Variants in MYT1L observed in about 807,000 individuals in gnomAD.
MYT1L encodes the protein myelin transcription factor 1 like.
MYT1L carries 12 observed loss-of-function variants against 126.7 expected under a neutral mutation model. That is an observed-to-expected ratio of 0.09 (90% confidence interval 0.06 to 0.15). MYT1L has a LOEUF of 0.15. Among genes scored for constraint, MYT1L ranks in the 10% least tolerant of loss-of-function variants. The probability of loss-of-function intolerance (pLI) is 1.00; values close to 1 mark genes in which losing one functional copy is unlikely to be tolerated. For missense variants in MYT1L, 979 were observed against 1,585.2 expected, an observed-to-expected ratio of 0.62 and a Z score of 6.49; for synonymous variants, 541 against 604.2, an observed-to-expected ratio of 0.90 and a Z score of 1.53.
intron 3 of MYT1L, among the ~76,000 whole-genome samples, chr2:2,158,618 A>AACACACACACACACACACACAC: frequency 6.9e-6 from 1 of 144,382 alleles, no homozygotes; most frequent in South Asian, 2.2e-4. Context: ...CCATGGCATA[A>AACACACACACACACACACACAC]ACACACACAC....
chr2:1,801,898 A>C lies in MYT1L; in HGVS notation c.3173-99T>G. On this transcript the variant is annotated intron_variant, in intron 22 of 24. Transcript: ENST00000647738. The surrounding 1 kb of genome is among the most constrained non-coding windows in gnomAD (Gnocchi z 4.2). ...TTTGTTCCTTTTATATTCGTAATTGAATTTGCTTGGAAAATAGACTCTTGA... is the reference window on the plus strand; with the variant it reads ...TTTGTTCCTTTTATATTCGTAATTGCATTTGCTTGGAAAATAGACTCTTGA... 1 of 705,656 alleles carries C rather than the reference A, an allele frequency of 1.4e-6. No individual in the cohort carries two copies. The highest frequency in any genetic ancestry group is 2.3e-6 in the Non-Finnish European group (1 of 437,214). 43.7% of individuals were successfully genotyped at this position (705,656 alleles called of 1,614,324 possible). A position where few individuals can be genotyped will look rare whatever the true frequency, so the allele number is the denominator to read the frequency against.
Position 2,128,720 on chromosome 2 carries a change from C to G in MYT1L, c.-304+44152G>C, listed in dbSNP as rs150848457. Among the ~76,000 whole-genome samples, 1,095 of 152,184 alleles carry G rather than the reference C, an allele frequency of 7.2e-3. 14 individuals carry two copies. Among genetic ancestry groups the G allele is most frequent in the African/African-American group, 0.025 (1,034 of 41,532 alleles). Reference sequence around the variant, plus strand: ...AATAGGAAACATTCTATACCCATTTCAAATAAAGAGTGTACATAAATTCCC... The same window carrying G: ...AATAGGAAACATTCTATACCCATTTGAAATAAAGAGTGTACATAAATTCCC... On this transcript the variant is annotated intron_variant, in intron 3 of 24. Transcript: ENST00000647738.
rs1439070746 is a variant in MYT1L at position 1,922,199 on chromosome 2, G to A, written c.1483+87C>T. ...GCAGTAGAGACATAATTCAGTGTGA[G>A]TCACACTTTAACTGTAGACTACCAC... On this transcript the variant is annotated intron_variant, in intron 10 of 24. Coordinates refer to ENST00000647738, the MANE Select transcript of MYT1L (RefSeq NM_001303052.2). The surrounding 1 kb of genome is among the most constrained non-coding windows in gnomAD (Gnocchi z 7.4). The A allele has an allele frequency of 5.3e-6, 8 of 1,503,998 alleles. No individual in the cohort carries two copies. In the Middle Eastern group the frequency reaches 1.0e-3, roughly 192 times the overall value. The allele number at this position is 1,503,998 out of a possible 1,614,324, so 93.2% of individuals were successfully genotyped here.
intron 3 of MYT1L, among the ~76,000 whole-genome samples, chr2:2,154,094 C>T (rs1053408465): frequency 3.3e-5 from 5 of 152,110 alleles, no homozygotes; most frequent in Admixed American, 1.3e-4. Context: ...AGGGGCTCAG[C>T]GGGCGTTTTG....
intron 5 of MYT1L, among the ~76,000 whole-genome samples, chr2:1,992,734 C>T (rs1355785304): frequency 2.0e-5 from 3 of 152,282 alleles, no homozygotes; most frequent in Non-Finnish European, 2.9e-5. Flanking sequence ...AAGATGATAA[C>T]GGCCCTTTCC....
chr2:2,073,269 T>G (rs2074827178), intron 3 of MYT1L, among the ~76,000 whole-genome samples: 1 of 151,568 alleles, frequency 6.6e-6, no homozygotes, highest in Non-Finnish European at 1.5e-5. Flanking sequence ...CTGCACCATC[T>G]CATCTCCCAT....
intron 3 of MYT1L, among the ~76,000 whole-genome samples, chr2:2,164,490 G>A (rs901026403): frequency 1.1e-4 from 16 of 152,140 alleles, no homozygotes; most frequent in Middle Eastern, 3.2e-3. Context: ...GTGTGGGTCC[G>A]AGCTGTCCGA....
At chr2:2,230,792 C>G (rs2094143074) in intron 2 of MYT1L, among the ~76,000 whole-genome samples, 1 of 152,194 alleles carries the variant, frequency 6.6e-6, no homozygotes, top group Non-Finnish European at 1.5e-5. Context: ...ACCTTTGATC[C>G]TCAGCTATTT....
Position 1,979,762 on chromosome 2 carries a change from C to G in MYT1L, c.16G>C (p.Glu6Gln). MEVDT[E>Q]EKRHRTRSKG... ...GACCGCGTGCGATGCCGCTTCTCCT[C>G]GGTGTCCACCTCCATCTGGGGATAG... Residue 6 changes from glutamate to glutamine, a missense_variant, in exon 6 of 25, where the codon GAG becomes CAG. This residue lies in a region of MYT1L where 50 missense variants were observed against 48.6 expected (regional missense o/e 1.03). Coordinates refer to ENST00000647738, the MANE Select transcript of MYT1L (RefSeq NM_001303052.2). The surrounding 1 kb of genome is among the most constrained non-coding windows in gnomAD (Gnocchi z 4.0). 6.2e-7 allele frequency: 1 copy of G among 1,613,960 alleles called. No individual in the cohort carries two copies.
chr2:2,306,415 GT>G (rs2095859907), intron 1 of MYT1L, among the ~76,000 whole-genome samples: 1 of 152,116 alleles, frequency 6.6e-6, no homozygotes, highest in Non-Finnish European at 1.5e-5. Context: ...GAATCCCAAG[GT>G]TTTCAAATAG....
rs1327492796 is a variant in MYT1L at position 1,889,269 on chromosome 2, A to G, written c.2492T>C (p.Ile831Thr). The change falls in exon 16 of 25, where the codon ATA becomes ACA. Residue 831 changes from isoleucine (I) to threonine (T), a missense_variant. Transcript: ENST00000647738. This position sits in a 1 kb window ranked among gnomAD's most constrained non-coding sequence, Gnocchi z 4.1. ...VDYTKMKPRR[I>T]DEDESKDITP... ...AATGTCTTTGGACTCGTCCTCGTCT[A>G]TCCTCCGGGGTTTCATTTTGGTGTA... 6.2e-7 allele frequency: 1 copy of G among 1,613,926 alleles called. No individual in the cohort carries two copies. Among genetic ancestry groups the G allele is most frequent in the Admixed American group, 1.7e-5 (1 of 60,016 alleles).
At chr2:2,312,611 G>A (rs866394656) in intron 1 of MYT1L, among the ~76,000 whole-genome samples, 2 of 152,016 alleles carry the variant, frequency 1.3e-5, no homozygotes, top group Non-Finnish European at 2.9e-5. Flanking sequence ...AGAAAAAAAA[G>A]AATATAACAC....
At chr2:1,826,650 A>G (rs2039387431) in intron 21 of MYT1L, among the ~76,000 whole-genome samples, 1 of 152,206 alleles carries the variant, frequency 6.6e-6, no homozygotes. Flanking sequence ...AGGTGCTTTT[A>G]GGACGCAGCA....
intron 3 of MYT1L, among the ~76,000 whole-genome samples, chr2:2,115,110 C>T (rs565345476): frequency 2.6e-5 from 4 of 152,368 alleles, no homozygotes; most frequent in East Asian, 1.9e-4. Flanking sequence ...TCCCTCACCA[C>T]CCGGCTGTTA....
intron 3 of MYT1L, among the ~76,000 whole-genome samples, chr2:2,154,482 T>C (rs113123823): frequency 1.2e-3 from 178 of 152,314 alleles, no homozygotes; most frequent in Non-Finnish European, 1.9e-3. Flanking sequence ...ATATACACCA[T>C]GGAATACTAT....
At chr2:2,106,850 T>C (rs953006375) in intron 3 of MYT1L, among the ~76,000 whole-genome samples, 1 of 152,212 alleles carries the variant, frequency 6.6e-6, no homozygotes, top group South Asian at 2.1e-4. Context: ...CCCCCAAACC[T>C]GTCCCCAGAG....
At chr2:2,154,202 A>G (rs2086324536) in intron 3 of MYT1L, among the ~76,000 whole-genome samples, 1 of 152,178 alleles carries the variant, frequency 6.6e-6, no homozygotes, top group Non-Finnish European at 1.5e-5. Flanking sequence ...GAGGAAGAAG[A>G]AACCCTCCTA....
chr2:2,199,737 T>A (rs866225508), intron 2 of MYT1L, among the ~76,000 whole-genome samples: 2 of 152,184 alleles, frequency 1.3e-5, no homozygotes, highest in South Asian at 4.1e-4. Flanking sequence ...AGCTACCTTC[T>A]TCTCTCTGAA....
chr2:2,312,560 C>T (rs1573472319), intron 1 of MYT1L, among the ~76,000 whole-genome samples: 1 of 152,058 alleles, frequency 6.6e-6, no homozygotes, highest in African/African-American at 2.4e-5. Context: ...TTGCAGTGAG[C>T]TGTGATTGCA....
Sources: allele counts gnomAD v4.1 joint callset (sites outside exome capture counted in the v4.1 genomes callset), GRCh38; gene constraint gnomAD v4.1.1; regional missense constraint gnomAD v4.1.1; non-coding constraint Gnocchi (gnomAD v3.1); transcripts MANE v1.5; gene names NCBI Gene and HGNC (gene_info 2026-07-23, HGNC 2026-07-21).